EYS: variants seen among roughly 807,000 people sequenced by gnomAD.
The protein encoded by EYS is EGF-like photoreceptor maintenance factor.
A neutral mutation model predicts 282.1 loss-of-function variants in EYS; 250 were observed. The observed-to-expected ratio is 0.89, with a 90% CI of 0.80 to 0.98. EYS has a LOEUF of 0.98. Among genes scored for constraint, EYS ranks in the 50% least tolerant of loss-of-function variants. The probability of loss-of-function intolerance (pLI) is 0.00; values close to 1 mark genes in which losing one functional copy is unlikely to be tolerated. For synonymous variants in EYS, 1,355 were observed against 1,282.9 expected, an observed-to-expected ratio of 1.06 and a Z score of -1.20; for missense variants, 4,016 against 3,709.0, an observed-to-expected ratio of 1.08 and a Z score of -2.15.
At chr6:64,995,803 T>G (rs1007457680) in intron 14 of EYS, among the ~76,000 whole-genome samples, 5 of 151,900 alleles carry the variant, frequency 3.3e-5, no homozygotes, top group Non-Finnish European at 5.9e-5. Context: ...GAATAGCTTC[T>G]TAGTGGCAAT....
intron 11 of EYS, among the ~76,000 whole-genome samples, chr6:65,328,837 G>A (rs1582146289): frequency 6.6e-6 from 1 of 150,984 alleles, no homozygotes; most frequent in African/African-American, 2.4e-5. Context: ...GAATCCTAAA[G>A]TTATGACCCA....
chr6:65,534,390 T>C (rs1006081702), intron 2 of EYS, among the ~76,000 whole-genome samples: 2 of 152,148 alleles, frequency 1.3e-5, no homozygotes, highest in Non-Finnish European at 2.9e-5. Context: ...GCAGCTTTCC[T>C]TAAATTGGCT....
intron 12 of EYS, among the ~76,000 whole-genome samples, chr6:65,169,785 A>T (rs2150226626): frequency 6.6e-6 from 1 of 151,432 alleles, no homozygotes; most frequent in African/African-American, 2.4e-5. Context: ...GTGCACTTAC[A>T]CTCTTCTTTC....
intron 1 of EYS, among the ~76,000 whole-genome samples, chr6:65,669,048 T>C (rs1225036550): frequency 6.6e-6 from 1 of 151,962 alleles, no homozygotes; most frequent in East Asian, 1.9e-4. Context: ...AAATGTATGA[T>C]GTTTATTTAA....
chr6:65,013,406 T>TG (rs1010426779), intron 13 of EYS, among the ~76,000 whole-genome samples: 6 of 151,832 alleles, frequency 4.0e-5, no homozygotes, highest in African/African-American at 1.4e-4. Context: ...ACGCGGGAGG[T>TG]GGGGGGCAGG....
chr6:64,520,693 T>C (rs578232640), intron 26 of EYS, among the ~76,000 whole-genome samples: 10 of 151,834 alleles, frequency 6.6e-5, no homozygotes, highest in Non-Finnish European at 1.3e-4. Flanking sequence ...AAAGATTTAG[T>C]ACAACATTTT....
At chr6:64,797,025 C>T (rs1323370962) in intron 22 of EYS, among the ~76,000 whole-genome samples, 2 of 152,024 alleles carry the variant, frequency 1.3e-5, no homozygotes, top group Non-Finnish European at 2.9e-5. Context: ...TCCATTTCTC[C>T]AGTATACTGC....
At chr6:65,523,711 T>G (rs1767455322) in intron 2 of EYS, among the ~76,000 whole-genome samples, 1 of 152,152 alleles carries the variant, frequency 6.6e-6, no homozygotes, top group Admixed American at 6.5e-5. Flanking sequence ...GTTTAAATGT[T>G]TATATACTGC....
At chr6:65,565,875 A>T (rs111330384) in intron 2 of EYS, among the ~76,000 whole-genome samples, 3,059 of 152,082 alleles carry the variant, frequency 0.02, 103 homozygotes, top group African/African-American at 0.07. Context: ...ACATGTTCTC[A>T]CTCATAAGTG....
chr6:64,824,315 G>A (rs1764984832), intron 19 of EYS, among the ~76,000 whole-genome samples: 1 of 151,914 alleles, frequency 6.6e-6, no homozygotes, highest in African/African-American at 2.4e-5. Context: ...GCACATATTT[G>A]TAACAATAAA....
At chr6:64,002,582 A>G (rs1768147619) in intron 33 of EYS, among the ~76,000 whole-genome samples, 1 of 152,170 alleles carries the variant, frequency 6.6e-6, no homozygotes, top group Non-Finnish European at 1.5e-5. Context: ...GTACCTGCCC[A>G]TCTGCATGCT....
chr6:65,130,301 T>C (rs1344405251), intron 12 of EYS, among the ~76,000 whole-genome samples: 3 of 151,876 alleles, frequency 2.0e-5, no homozygotes, highest in African/African-American at 4.8e-5. Flanking sequence ...TACTCTCTGA[T>C]TCTAAAATAA....
chr6:63,854,483 TA>T (rs901136393), intron 36 of EYS, among the ~76,000 whole-genome samples: 1 of 152,046 alleles, frequency 6.6e-6, no homozygotes, highest in African/African-American at 2.4e-5. Context: ...GGCATAGGAT[TA>T]GCACAAATAC....
intron 12 of EYS, among the ~76,000 whole-genome samples, chr6:65,103,704 T>C (rs994370143): frequency 4.0e-5 from 6 of 151,542 alleles, no homozygotes; most frequent in African/African-American, 7.2e-5. Context: ...TTAGATCTTT[T>C]TTCCAGTAAG....
chr6:64,756,328 G>C (rs150507797), intron 22 of EYS, among the ~76,000 whole-genome samples: 1 of 152,274 alleles, frequency 6.6e-6, no homozygotes, highest in African/African-American at 2.4e-5. Context: ...TTTAATGTAA[G>C]TTTGTAGGCA....
intron 26 of EYS, among the ~76,000 whole-genome samples, chr6:64,577,048 C>A (rs796470627): frequency 6.6e-6 from 1 of 152,044 alleles, no homozygotes; most frequent in African/African-American, 2.4e-5. Context: ...GATGCAGCTA[C>A]AAGTCAAGAA....
At chr6:65,244,578 T>A (rs764828310) in intron 12 of EYS, among the ~76,000 whole-genome samples, 3 of 152,150 alleles carry the variant, frequency 2.0e-5, no homozygotes, top group Non-Finnish European at 2.9e-5. Context: ...AGTGGCGCGA[T>A]CTCTGCTGAC....
chr6:65,233,993 C>G (rs1766856264), intron 12 of EYS, among the ~76,000 whole-genome samples: 1 of 152,156 alleles, frequency 6.6e-6, no homozygotes, highest in African/African-American at 2.4e-5. Context: ...ACATCCTGGG[C>G]TGTCTCTCTT....
chr6:64,944,398 C>T (rs540851238), intron 15 of EYS, among the ~76,000 whole-genome samples: 61 of 152,078 alleles, frequency 4.0e-4, no homozygotes, highest in African/African-American at 1.4e-3. Context: ...TTCTGCATAG[C>T]AAAGGAAACT....
Sources: allele counts gnomAD v4.1 joint callset (sites outside exome capture counted in the v4.1 genomes callset), GRCh38; gene constraint gnomAD v4.1.1; transcripts MANE v1.5; gene names NCBI Gene and HGNC (gene_info 2026-07-23, HGNC 2026-07-21).